SPRED1: variants seen among roughly 807,000 people sequenced by gnomAD.
SPRED1 encodes sprouty-related, EVH1 domain-containing protein 1.
In SPRED1, 18 loss-of-function variants were observed where a neutral mutation model predicts 52.3. The observed-to-expected ratio is 0.34, with a 90% CI of 0.24 to 0.51. SPRED1 has a LOEUF of 0.51. Ranked by LOEUF, SPRED1 falls within the 20% of genes least tolerant of loss-of-function variation. The pLI, the probability that SPRED1 is intolerant of heterozygous loss-of-function variation, is 0.97. For missense variants in SPRED1, 485 were observed against 551.0 expected, an observed-to-expected ratio of 0.88 and a Z score of 1.20; for synonymous variants, 155 against 179.7, an observed-to-expected ratio of 0.86 and a Z score of 1.10.
At chr15:38,308,050 A>G (rs192232055) in intron 2 of SPRED1, among the ~76,000 whole-genome samples, 120 of 152,308 alleles carry the variant, frequency 7.9e-4, no homozygotes, top group Admixed American at 2.2e-3. Flanking sequence ...TGTTGCACAG[A>G]TAAGTATGAT....
chr15:38,290,075 C>T (rs1337702037), intron 1 of SPRED1, among the ~76,000 whole-genome samples: 1 of 152,110 alleles, frequency 6.6e-6, no homozygotes, highest in East Asian at 1.9e-4. Context: ...CTTAGGCTTT[C>T]CCAACTATAG....
intron 1 of SPRED1, among the ~76,000 whole-genome samples, chr15:38,280,203 T>C (rs563799557): frequency 6.6e-6 from 1 of 152,362 alleles, no homozygotes. Flanking sequence ...ACACTGATTC[T>C]TAAAGTGTAG....
chr15:38,284,597 G>A (rs541259791), intron 1 of SPRED1, among the ~76,000 whole-genome samples: 11 of 152,010 alleles, frequency 7.2e-5, no homozygotes, highest in Non-Finnish European at 1.3e-4. Context: ...AGTTTTAAGT[G>A]GTATTACCAC....
At chr15:38,330,916 A>T (rs976095913) in intron 4 of SPRED1, among the ~76,000 whole-genome samples, 1 of 152,080 alleles carries the variant, frequency 6.6e-6, no homozygotes, top group Non-Finnish European at 1.5e-5. Flanking sequence ...TTCTCTAAGA[A>T]CTAGTACCAG....
intron 3 of SPRED1, among the ~76,000 whole-genome samples, chr15:38,322,705 T>C (rs1158918934): frequency 1.3e-5 from 2 of 152,002 alleles, no homozygotes; most frequent in Non-Finnish European, 2.9e-5. Context: ...GAAGAGGGAA[T>C]AGAAATGTAC....
intron 4 of SPRED1, among the ~76,000 whole-genome samples, chr15:38,335,939 G>A (rs1871245480): frequency 6.6e-6 from 1 of 152,030 alleles, no homozygotes; most frequent in African/African-American, 2.4e-5. Flanking sequence ...GAGAAAGTAT[G>A]CAGTACCTTG....
chr15:38,287,170 A>G (rs1162281819), intron 1 of SPRED1, among the ~76,000 whole-genome samples: 1 of 152,190 alleles, frequency 6.6e-6, no homozygotes, highest in Non-Finnish European at 1.5e-5. Context: ...AAACAGAAAA[A>G]TGCAACAGAG....
intron 1 of SPRED1, among the ~76,000 whole-genome samples, chr15:38,276,888 T>G (rs991848400): frequency 1.3e-4 from 20 of 152,208 alleles, no homozygotes; most frequent in African/African-American, 4.8e-4. Context: ...TGGAACATTC[T>G]TCTGGTCTAT....
intron 1 of SPRED1, among the ~76,000 whole-genome samples, chr15:38,257,064 A>C (rs559156327): frequency 6.6e-6 from 1 of 152,164 alleles, no homozygotes; most frequent in Non-Finnish European, 1.5e-5. Flanking sequence ...TATTTTAAAC[A>C]CATTATGATA....
chr15:38,329,259 A>T (rs1167697207), intron 4 of SPRED1, among the ~76,000 whole-genome samples: 2 of 152,178 alleles, frequency 1.3e-5, no homozygotes, highest in Non-Finnish European at 2.9e-5. Context: ...AAACATTGTC[A>T]TGTTTTCTCA....
chr15:38,316,756 T>TTTGTTTTG (rs1895492260), intron 2 of SPRED1, among the ~76,000 whole-genome samples: 1 of 146,034 alleles, frequency 6.8e-6, no homozygotes, highest in Non-Finnish European at 1.5e-5. Context: ...ATGTTTTTTT[T>TTTGTTTTG]TTTTTTTTTT....
At chr15:38,350,724 A>G (rs1888464442) in intron 6 of SPRED1, among the ~76,000 whole-genome samples, 1 of 152,188 alleles carries the variant, frequency 6.6e-6, no homozygotes, top group African/African-American at 2.4e-5. Flanking sequence ...AAATAGTTGT[A>G]GTCTGAGTCC....
chr15:38,316,016 A>C (rs1895472389), intron 2 of SPRED1, among the ~76,000 whole-genome samples: 3 of 152,160 alleles, frequency 2.0e-5, no homozygotes, highest in Admixed American at 1.3e-4. Context: ...TAATTACTCT[A>C]CTGAATTCTT....
At chr15:38,310,286 A>G (rs1229454829) in intron 2 of SPRED1, among the ~76,000 whole-genome samples, 1 of 151,982 alleles carries the variant, frequency 6.6e-6, no homozygotes, top group Non-Finnish European at 1.5e-5. Flanking sequence ...GATTACAGGC[A>G]CCTGCCACCA....
chr15:38,294,719 T>A (rs959541672), intron 1 of SPRED1, among the ~76,000 whole-genome samples: 22 of 152,204 alleles, frequency 1.4e-4, no homozygotes, highest in Non-Finnish European at 7.3e-5. Flanking sequence ...GTTAGAAATG[T>A]ATCCAAATTT....
chr15:38,267,726 T>G (rs773565350), intron 1 of SPRED1, among the ~76,000 whole-genome samples: 1 of 152,202 alleles, frequency 6.6e-6, no homozygotes, highest in Non-Finnish European at 1.5e-5. Context: ...CCAAGGAAAC[T>G]GAGGTGCAGG....
intron 2 of SPRED1, among the ~76,000 whole-genome samples, chr15:38,301,367 G>T (rs528061307): frequency 2.1e-4 from 32 of 152,232 alleles, no homozygotes; most frequent in Admixed American, 5.9e-4. Flanking sequence ...TAAGAAAATA[G>T]ATTATTTTGC....
intron 1 of SPRED1, among the ~76,000 whole-genome samples, chr15:38,269,052 G>C (rs112797085): frequency 6.7e-6 from 1 of 149,802 alleles, no homozygotes; most frequent in African/African-American, 2.5e-5. Context: ...CTATTCCCCT[G>C]CCTCAGCCTC....
At chr15:38,299,654 ATGTTTCTGGAGC>A (rs1182337808) in intron 2 of SPRED1, 107 bp downstream of exon 2, 3 of 1,138,134 alleles carry the variant, frequency 2.6e-6, no homozygotes, top group African/African-American at 1.5e-5. Context: ...ATCAGTAATT[ATGTTTCTGGAGC>A]TGTTTCTGTG....
Sources: gnomAD v4.1 joint callset for allele counts (sites outside exome capture counted in the v4.1 genomes callset) on GRCh38, gnomAD v4.1.1 for gene constraint, MANE v1.5 for transcripts, NCBI Gene and HGNC (gene_info 2026-07-23, HGNC 2026-07-21) for gene names.